Variants in RIN3 observed in about 807,000 individuals in gnomAD.
The protein encoded by RIN3 is RAB5 interacting protein 3.
Under a neutral mutation model 76.3 loss-of-function variants are expected in RIN3, and 54 were observed. The observed-to-expected ratio is 0.71, with a 90% CI of 0.57 to 0.89. RIN3 has a LOEUF of 0.89. Ranked by LOEUF, RIN3 falls within the 40% of genes least tolerant of loss-of-function variation. The probability of loss-of-function intolerance (pLI) is 0.00; values close to 1 mark genes in which losing one functional copy is unlikely to be tolerated. For missense variants in RIN3, 1,256 were observed against 1,322.1 expected (o/e 0.95, Z 0.78); for synonymous variants, 576 against 564.0 (o/e 1.02, Z -0.30).
chr14:92,611,003 G>A (rs750274226), intron 3 of RIN3, among the ~76,000 whole-genome samples: 7 of 152,114 alleles, frequency 4.6e-5, no homozygotes, highest in African/African-American at 1.2e-4. Flanking sequence ...TGGTGTAGTC[G>A]CTTCTTATGG....
intron 6 of RIN3, among the ~76,000 whole-genome samples, chr14:92,654,862 C>A (rs982965298): frequency 6.6e-6 from 1 of 152,152 alleles, no homozygotes; most frequent in African/African-American, 2.4e-5. Flanking sequence ...TCAGAGGTGA[C>A]AGGCAATCAG....
chr14:92,527,596 A>G (rs1290649325), intron 1 of RIN3, among the ~76,000 whole-genome samples: 1 of 152,182 alleles, frequency 6.6e-6, no homozygotes, highest in African/African-American at 2.4e-5. Flanking sequence ...ACAGACAGCC[A>G]TGCAACTGCC....
At chr14:92,614,797 C>CTT (rs60660468) in intron 3 of RIN3, among the ~76,000 whole-genome samples, 38,669 of 126,026 alleles carry the variant, frequency 0.31, 5,916 homozygotes, top group African/African-American at 0.46. Flanking sequence ...CATTAAACCT[C>CTT]TTTATATATA....
rs754826413 is a variant in RIN3 at position 92,577,475 on chromosome 14, C to T, written c.365C>T (p.Ser122Leu). Residue 122 changes from serine (S) to leucine (L), a missense_variant and splice_region_variant, in exon 3 of 10, where the codon TCG (serine) becomes TTG (leucine). Physicochemically the swap from Ser to Leu is moderately radical, Grantham distance 145. Around this residue, in one of 3 missense-constraint regions of RIN3, gnomAD observed 610 missense variants for 626.4 expected, o/e 0.97. Coordinates refer to ENST00000216487, the MANE Select transcript of RIN3 (RefSeq NM_024832.5). ...VLEYTIKEEK[S>L]ILYLEGSALV... ...GAATACACCATTAAGGAAGAAAAGT[C>T]GAGTAAGTACCCATCTTCTCTGTTT... The T allele has an allele frequency of 1.1e-5, 17 of 1,595,198 alleles. No homozygotes were observed. The highest frequency in any genetic ancestry group is 1.8e-4 in the Middle Eastern group (1 of 5,692).
At chr14:92,554,367 G>A (rs749703866) in intron 1 of RIN3, among the ~76,000 whole-genome samples, 3 of 152,004 alleles carry the variant, frequency 2.0e-5, no homozygotes, top group Non-Finnish European at 2.9e-5. Flanking sequence ...ATTTCCCAGC[G>A]AAGCCCTCAG....
intron 4 of RIN3, among the ~76,000 whole-genome samples, chr14:92,628,122 G>T (rs867118550): frequency 6.6e-6 from 1 of 152,182 alleles, no homozygotes; most frequent in South Asian, 2.1e-4. Context: ...TCTTGGGTGT[G>T]TTTAGGCACA....
chr14:92,619,900 G>A (rs922407947), intron 4 of RIN3, among the ~76,000 whole-genome samples: 6 of 152,194 alleles, frequency 3.9e-5, no homozygotes, highest in African/African-American at 7.2e-5. Flanking sequence ...GAAAGGCAAA[G>A]AAGCAACTTA....
At chr14:92,605,382 G>T (rs1286195654) in intron 3 of RIN3, among the ~76,000 whole-genome samples, 1 of 152,246 alleles carries the variant, frequency 6.6e-6, no homozygotes, top group East Asian at 1.9e-4. Context: ...TGTGTTAGAA[G>T]TGGGATCTCT....
chr14:92,640,139 A>C (rs1380754886), intron 4 of RIN3, among the ~76,000 whole-genome samples: 22 of 102,556 alleles, frequency 2.1e-4, no homozygotes, highest in Non-Finnish European at 3.6e-4. Flanking sequence ...GAGATGCCTG[A>C]CTGTGTGTTC....
chr14:92,523,297 G>C (rs1477937303), intron 1 of RIN3, among the ~76,000 whole-genome samples: 1 of 152,130 alleles, frequency 6.6e-6, no homozygotes, highest in Non-Finnish European at 1.5e-5. Flanking sequence ...TTTTAGTAGA[G>C]ACGGGGGTTT....
chr14:92,597,547 G>A (rs1036908002), intron 3 of RIN3, among the ~76,000 whole-genome samples: 1 of 152,192 alleles, frequency 6.6e-6, no homozygotes, highest in Admixed American at 6.5e-5. Context: ...TTGAACTTGG[G>A]CAAATTCCTG....
Position 92,513,983 on chromosome 14 carries a change from C to G in RIN3, c.44+7C>G. 8.1e-7 allele frequency: 1 copy of G among 1,236,532 alleles called. No individual in the cohort carries two copies. The highest frequency in any genetic ancestry group is 1.6e-5 in the African/African-American group (1 of 64,188). 76.6% of individuals were successfully genotyped at this position (1,236,532 alleles called of 1,614,324 possible). A position where few individuals can be genotyped will look rare whatever the true frequency, so the allele number is the denominator to read the frequency against. ...CGCGCGGGGACCCCACGGGGTAAGT[C>G]CGGGCGGCCGCCCCCTCCTCCCTCG... On this transcript the variant is annotated splice_region_variant and intron_variant, in intron 1 of 9. Coordinates refer to ENST00000216487, the MANE Select transcript of RIN3 (RefSeq NM_024832.5).
intron 3 of RIN3, among the ~76,000 whole-genome samples, chr14:92,612,359 G>A (rs1339067793): frequency 6.6e-6 from 1 of 152,186 alleles, no homozygotes; most frequent in Non-Finnish European, 1.5e-5. Context: ...TGTTTGTCTT[G>A]TACCAATCTG....
intron 7 of RIN3, among the ~76,000 whole-genome samples, chr14:92,661,865 G>T (rs1259399638): frequency 6.6e-6 from 1 of 152,226 alleles, no homozygotes; most frequent in Non-Finnish European, 1.5e-5. Flanking sequence ...GAGGGTTGTA[G>T]TAGAAGCAGG....
In RIN3 at chr14:92,525,436, T is replaced by A. The variant is rs575931046; in HGVS notation, c.44+11460T>A. Among the ~76,000 whole-genome samples the A allele has an allele frequency of 1.6e-3, 246 of 150,530 alleles. 2 individuals are homozygous for A. The highest frequency in any genetic ancestry group is 5.6e-3 in the African/African-American group (229 of 40,914). ...AGAACACTGGTGCTGAGCGAGAGAT[T>A]GAGGGGAGGGAAGGAGGATCTAGTG... On this transcript the variant is annotated intron_variant, in intron 1 of 9. Coordinates refer to ENST00000216487, the MANE Select transcript of RIN3 (RefSeq NM_024832.5).
intron 7 of RIN3, among the ~76,000 whole-genome samples, chr14:92,662,759 A>G (rs909598448): frequency 6.6e-6 from 1 of 152,110 alleles, no homozygotes; most frequent in Non-Finnish European, 1.5e-5. Context: ...AATGAGTCCC[A>G]GTTTATCCAG....
intron 3 of RIN3, among the ~76,000 whole-genome samples, chr14:92,614,803 A>T (rs199540334): frequency 6.1e-5 from 6 of 98,476 alleles, no homozygotes; most frequent in Admixed American, 2.6e-4. Flanking sequence ...ACCTCTTTAT[A>T]TATATATATA....
At chr14:92,627,814 T>C (rs1886413634) in intron 4 of RIN3, among the ~76,000 whole-genome samples, 1 of 152,198 alleles carries the variant, frequency 6.6e-6, no homozygotes, top group Non-Finnish European at 1.5e-5. Context: ...GGCCCCAGAT[T>C]GTTAGAAACA....
At chr14:92,566,890 A>T (rs1296304802) in intron 2 of RIN3, among the ~76,000 whole-genome samples, 2 of 152,150 alleles carry the variant, frequency 1.3e-5, no homozygotes, top group Non-Finnish European at 2.9e-5. Flanking sequence ...GGAGGGTGTG[A>T]TATTCAGAGC....
Sources: allele counts gnomAD v4.1 joint callset (sites outside exome capture counted in the v4.1 genomes callset), GRCh38; gene constraint gnomAD v4.1.1; regional missense constraint gnomAD v4.1.1; transcripts MANE v1.5; gene names NCBI Gene and HGNC (gene_info 2026-07-23, HGNC 2026-07-21).